RGSL1: variants seen among roughly 807,000 people sequenced by gnomAD.
RGSL1 encodes regulator of G protein signaling like 1, also known as regulator of G protein signaling protein-like.
Under a neutral mutation model 124.7 loss-of-function variants are expected in RGSL1, and 97 were observed. The ratio of observed to expected loss-of-function variants is 0.78; its 90% confidence interval spans 0.66 to 0.92. The LOEUF (loss-of-function observed/expected upper bound fraction) is 0.92. RGSL1 is among the 40% of genes least tolerant of loss of function. The pLI is 0.00. For synonymous variants in RGSL1, 424 were observed against 438.1 expected, an observed-to-expected ratio of 0.97 and a Z score of 0.40; for missense variants, 1,233 against 1,288.4, an observed-to-expected ratio of 0.96 and a Z score of 0.66.
intron 9 of RGSL1, among the ~76,000 whole-genome samples, chr1:182,511,020 C>A (rs963040740): frequency 4.6e-5 from 7 of 152,024 alleles, no homozygotes; most frequent in African/African-American, 1.7e-4. Flanking sequence ...AGACCAATGT[C>A]CTGGAGCATT....
intron 1 of RGSL1, among the ~76,000 whole-genome samples, chr1:182,451,932 C>T (rs187863602): frequency 5.5e-4 from 84 of 151,764 alleles, no homozygotes; most frequent in African/African-American, 1.8e-3. Context: ...AGAAACCATA[C>T]AGCATGATCC....
At chr1:182,508,002 G>A (rs1656955490) in intron 9 of RGSL1, among the ~76,000 whole-genome samples, 1 of 152,072 alleles carries the variant, frequency 6.6e-6, no homozygotes, top group Admixed American at 6.6e-5. Context: ...CAGCCCAGAT[G>A]TTTTTTTGAT....
At chr1:182,454,883 G>C (rs1558217399) in intron 2 of RGSL1, among the ~76,000 whole-genome samples, 1 of 152,090 alleles carries the variant, frequency 6.6e-6, no homozygotes, top group Non-Finnish European at 1.5e-5. Context: ...CTTATGAATT[G>C]TGACTCATCT....
In RGSL1 at chr1:182,489,112, G is replaced by A. The variant is rs1034107575; in HGVS notation, c.1627G>A (p.Asp543Asn). The A allele has an allele frequency of 1.3e-6, 2 of 1,551,668 alleles. No individual in the cohort carries two copies. The highest frequency in any genetic ancestry group is 1.7e-6 in the Non-Finnish European group (2 of 1,146,992). Residue 543 changes from aspartate (D) to asparagine (N), a missense_variant, in exon 8 of 22, where the codon GAC becomes AAC. Transcript: ENST00000294854. ...GGCTTTGGCTGACATGAAGGAAATG[G>A]ACTATAGGCAGTGGCGAAAGATAGC... ...SQALADMKEMDYRQWRKIATE... is the reference protein window; with the variant it reads ...SQALADMKEMNYRQWRKIATE...
At chr1:182,497,387 T>C (rs941754542) in intron 9 of RGSL1, among the ~76,000 whole-genome samples, 18 of 150,226 alleles carry the variant, frequency 1.2e-4, no homozygotes, top group Admixed American at 1.3e-4. Flanking sequence ...TCAGGAGATA[T>C]ATATTTTTTT....
chr1:182,514,075 G>A (rs565757736), intron 9 of RGSL1, among the ~76,000 whole-genome samples: 16 of 93,786 alleles, frequency 1.7e-4, no homozygotes, highest in Non-Finnish European at 3.3e-4. Context: ...TGTATTTTTG[G>A]AGAGATAGGG....
At chr1:182,547,705 C>CA (rs1269836676) in intron 15 of RGSL1, among the ~76,000 whole-genome samples, 4 of 151,904 alleles carry the variant, frequency 2.6e-5, no homozygotes, top group East Asian at 1.9e-4. Context: ...ACTAAAAATA[C>CA]AAAAAATTAG....
intron 4 of RGSL1, among the ~76,000 whole-genome samples, chr1:182,464,761 T>C (rs114889525): frequency 0.011 from 1,694 of 150,810 alleles, 37 homozygotes; most frequent in African/African-American, 0.039. Flanking sequence ...AGAGAAGACT[T>C]AATAATTACT....
intron 17 of RGSL1, chr1:182,550,547 G>A (rs1273268723): frequency 6.6e-6 from 1 of 152,154 alleles, no homozygotes; most frequent in Non-Finnish European, 1.5e-5. Flanking sequence ...AGAGATGATG[G>A]GGAATATTGC....
intron 21 of RGSL1, among the ~76,000 whole-genome samples, chr1:182,556,993 C>T (rs917284297): frequency 1.3e-5 from 2 of 152,230 alleles, no homozygotes; most frequent in South Asian, 4.2e-4. Flanking sequence ...CCTGCTGTGC[C>T]GAAGTTTTTT....
intron 9 of RGSL1, among the ~76,000 whole-genome samples, chr1:182,506,983 C>CTTTTTT (rs71127304): frequency 3.8e-4 from 38 of 99,402 alleles, no homozygotes; most frequent in African/African-American, 1.3e-3. Flanking sequence ...GCTCACCTTT[C>CTTTTTT]TTTTTTTTTT....
intron 6 of RGSL1, among the ~76,000 whole-genome samples, chr1:182,483,970 G>A (rs1216043012): frequency 6.6e-6 from 1 of 152,116 alleles, no homozygotes; most frequent in Non-Finnish European, 1.5e-5. Flanking sequence ...AGCCAATAGG[G>A]CTCAGTGGCA....
In RGSL1 at chr1:182,541,039, T is replaced by A. The variant is rs138376569; in HGVS notation, c.2669+618T>A. On this transcript the variant is annotated intron_variant, in intron 15 of 21. Transcript: ENST00000294854. Reference sequence around the variant, plus strand: ...CATATACTCATATAATGTGTAAAGATCAATCAGAGTAATCGGGATATCCAT... The same window carrying A: ...CATATACTCATATAATGTGTAAAGAACAATCAGAGTAATCGGGATATCCAT... 7.3e-3 allele frequency among the ~76,000 whole-genome samples: 1,109 copies of A among 152,338 alleles called. 16 individuals are homozygous for A. Among genetic ancestry groups the A allele is most frequent in the African/African-American group, 0.025 (1,047 of 41,582 alleles).
chr1:182,518,719 G>A (rs569235690), intron 9 of RGSL1, among the ~76,000 whole-genome samples: 8 of 152,154 alleles, frequency 5.3e-5, no homozygotes, highest in Non-Finnish European at 1.0e-4. Context: ...GGCATAATGC[G>A]GGGAGGGGTA....
chr1:182,449,050 A>G (rs1044025574), upstream of RGSL1, among the ~76,000 whole-genome samples: 1 of 152,228 alleles, frequency 6.6e-6, no homozygotes, highest in African/African-American at 2.4e-5. Context: ...TCAAGGAATA[A>G]TATGATATTG....
At chr1:182,534,719 C>T (rs1332183063) in intron 14 of RGSL1, among the ~76,000 whole-genome samples, 3 of 151,718 alleles carry the variant, frequency 2.0e-5, no homozygotes, top group Non-Finnish European at 4.4e-5. Context: ...CCCAGCTACT[C>T]GGGAGGCTGA....
At chr1:182,532,114 G>A (rs1048870354) in intron 13 of RGSL1, among the ~76,000 whole-genome samples, 2 of 152,020 alleles carry the variant, frequency 1.3e-5, no homozygotes, top group Non-Finnish European at 2.9e-5. Context: ...TTTCTTGAAG[G>A]ACAAATAAAA....
upstream of RGSL1, chr1:182,450,097 A>G: frequency 6.5e-7 from 1 of 1,535,366 alleles, no homozygotes; most frequent in Non-Finnish European, 8.8e-7. Flanking sequence ...TTCACAATGG[A>G]TATAGTTCTA....
chr1:182,461,783 GGACAGTAGAAACTA>G (rs1652859018), intron 4 of RGSL1, among the ~76,000 whole-genome samples: 1 of 62,340 alleles, frequency 1.6e-5, no homozygotes, highest in Non-Finnish European at 4.1e-5. Context: ...CCAGAAGATA[GGACAGTAGAAACTA>G]TTAAATCTGA....
Sources: allele counts gnomAD v4.1 joint callset (sites outside exome capture counted in the v4.1 genomes callset), GRCh38; gene constraint gnomAD v4.1.1; transcripts MANE v1.5; gene names NCBI Gene and HGNC (gene_info 2026-07-23, HGNC 2026-07-21).